TENT4A: variants seen among roughly 807,000 people sequenced by gnomAD.
TENT4A encodes the protein DNA polymerase kappa.
A neutral mutation model predicts 72.8 loss-of-function variants in TENT4A; 7 were observed. The observed-to-expected ratio is 0.10, with a 90% CI of 0.05 to 0.18. TENT4A has a LOEUF of 0.18. Among genes scored for constraint, TENT4A ranks in the 10% least tolerant of loss-of-function variants. The probability of loss-of-function intolerance (pLI) is 1.00; values close to 1 mark genes in which losing one functional copy is unlikely to be tolerated. For missense variants in TENT4A, 831 were observed against 1,017.7 expected, an observed-to-expected ratio of 0.82 and a Z score of 2.50; for synonymous variants, 456 against 434.3, an observed-to-expected ratio of 1.05 and a Z score of -0.62.
At chr5:6,723,517 A>C (rs977662906) in intron 1 of TENT4A, among the ~76,000 whole-genome samples, 3 of 152,208 alleles carry the variant, frequency 2.0e-5, no homozygotes, top group Non-Finnish European at 4.4e-5. Context: ...TGAAGCCTTG[A>C]CAGTCTGACG....
At chr5:6,731,237 A>G (rs1741194869) in intron 1 of TENT4A, among the ~76,000 whole-genome samples, 1 of 152,214 alleles carries the variant, frequency 6.6e-6, no homozygotes, top group Non-Finnish European at 1.5e-5. Context: ...GAAGAGTTGG[A>G]GGAGGAGAGG....
At chr5:6,737,459 TGTG>T (rs1446230031) in intron 1 of TENT4A, 48 bp from the exon 2 acceptor site, 13 of 1,507,844 alleles carry the variant, frequency 8.6e-6, no homozygotes, top group South Asian at 2.4e-5. Flanking sequence ...GAACAGAAAA[TGTG>T]GTGACATTTC....
intron 1 of TENT4A, among the ~76,000 whole-genome samples, chr5:6,729,830 G>A (rs1270116834): frequency 6.6e-6 from 1 of 152,090 alleles, no homozygotes; most frequent in Admixed American, 6.5e-5. Flanking sequence ...GCCTCCCCTG[G>A]GTTTGCTCCG....
rs778591243 is a variant in TENT4A at position 6,742,592 on chromosome 5, A to G, written c.1111A>G (p.Met371Val). 1.9e-6 allele frequency: 3 copies of G among 1,598,822 alleles called. No individual in the cohort carries two copies. Among genetic ancestry groups the G allele is most frequent in the Non-Finnish European group, 1.7e-6 (2 of 1,166,020 alleles). Residue 371 changes from methionine to valine, a missense_variant, in exon 5 of 13, where the codon ATG becomes GTG. Physicochemically the swap from Met to Val is conservative, Grantham distance 21 (BLOSUM62 1). This residue lies in a region of TENT4A where 197 missense variants were observed against 399.6 expected (regional missense o/e 0.49). Coordinates refer to ENST00000230859, the MANE Select transcript of TENT4A (RefSeq NM_006999.6). ...VRAAEFIKNY[M>V]KKYSLLPYLI... is the part of the protein sequence containing the mutation. ...GGCAGCGGAGTTCATCAAGAATTAC[A>G]TGAAGGTACTGTGCTTGGTGACCCA... is the stretch of plus-strand genomic sequence containing the variant.
At position 6,713,445 on chromosome 5, in the gene TENT4A, G is replaced by GTCGCCGCCGAGAGTGTCTTT. The variant is rs1561021116; in HGVS notation, c.-536_-517dup. The GTCGCCGCCGAGAGTGTCTTT allele has an allele frequency of 6.7e-6, 1 of 149,276 alleles. No homozygotes were observed. The highest frequency in any genetic ancestry group is 2.0e-4 in the East Asian group (1 of 5,000). The allele number at this position is 149,276 out of a possible 1,614,324, so 9.2% of individuals were successfully genotyped here. On this transcript the variant is annotated 5_prime_UTR_variant, in exon 1 of 13. Coordinates refer to ENST00000230859, the MANE Select transcript of TENT4A (RefSeq NM_006999.6). ...GGCGGCCCCCTCCTTCCCCCGCGCTGTCGCCGCCGAGAGTGTCTTTTCACC... is the reference window on the plus strand; with the variant it reads ...GGCGGCCCCCTCCTTCCCCCGCGCTGTCGCCGCCGAGAGTGTCTTTTCGCCGCCGAGAGTGTCTTTTCACC...
chr5:6,739,668 C>T (rs934417416), intron 3 of TENT4A, 64 bp from the exon 4 acceptor site: 54 of 1,588,162 alleles, frequency 3.4e-5, no homozygotes, highest in South Asian at 2.9e-4. Context: ...TGCTTATCCT[C>T]CCCACACGAG....
chr5:6,726,175 C>G (rs1011404517), intron 1 of TENT4A, among the ~76,000 whole-genome samples: 1 of 152,108 alleles, frequency 6.6e-6, no homozygotes, highest in Non-Finnish European at 1.5e-5. Flanking sequence ...TAAGCACTTG[C>G]CAGTGTGGAT....
At position 6,734,434 on chromosome 5, in the gene TENT4A, T is replaced by C. The variant is rs559807544; in HGVS notation, c.717-3076T>C. On this transcript the variant is annotated intron_variant, in intron 1 of 12. Coordinates refer to ENST00000230859, the MANE Select transcript of TENT4A (RefSeq NM_006999.6). The stretch of plus-strand genomic sequence containing the variant: ...CCCACGGCCGCCACCAGTCTCACAC[T>C]GCCTCGTGGGCAGTCCTGGAGTCGT... 6.6e-5 allele frequency among the ~76,000 whole-genome samples: 10 copies of C among 152,350 alleles called. No homozygotes were observed. The East Asian group carries it at 9.7e-4, about 15-fold the overall frequency.
rs1740216597 is a variant in TENT4A at position 6,713,860 on chromosome 5, G to A, written c.-124G>A. 1.1e-5 allele frequency: 2 copies of A among 183,700 alleles called. No individual in the cohort carries two copies. The highest frequency in any genetic ancestry group is 2.0e-5 in the Non-Finnish European group (2 of 101,218). 11.4% of individuals were successfully genotyped at this position (183,700 alleles called of 1,614,324 possible). On this transcript the variant is annotated 5_prime_UTR_variant, in exon 1 of 13. Transcript: ENST00000230859. ...CGGCCCGCCCGCCGCCGCCGCCGCCGCCGCCGCCACCGGCCCAGGCCCGTC... is the reference window on the plus strand; with the variant it reads ...CGGCCCGCCCGCCGCCGCCGCCGCCACCGCCGCCACCGGCCCAGGCCCGTC...
chr5:6,724,800 C>T (rs751502553), intron 1 of TENT4A, among the ~76,000 whole-genome samples: 1 of 152,188 alleles, frequency 6.6e-6, no homozygotes, highest in Admixed American at 6.5e-5. Context: ...GTGTACAGTC[C>T]TAGCCACAGT....
chr5:6,739,383 A>G (rs1269394055), intron 3 of TENT4A, among the ~76,000 whole-genome samples: 1 of 152,186 alleles, frequency 6.6e-6, no homozygotes, highest in Non-Finnish European at 1.5e-5. Flanking sequence ...GGAGTGATCC[A>G]GCGTAGGCAG....
intron 8 of TENT4A, 121 bp downstream of exon 8, chr5:6,748,711 T>C: frequency 9.5e-7 from 1 of 1,054,260 alleles, no homozygotes; most frequent in South Asian, 1.8e-5. Flanking sequence ...TTCAGTAGAA[T>C]CTAGATATGT....
At position 6,739,843 on chromosome 5, in the gene TENT4A, C is replaced by T; in HGVS notation, c.999C>T (p.Asp333=). ...VAEPCSIKVL[D]KATVPIIKLT... ...AGCCGTGTTCCATCAAAGTCCTTGA[C>T]AAGGCTACGGTGAGTGCCTGGCTTT... The change falls in exon 4 of 13, where the codon GAC becomes GAT. Residue 333 remains aspartate, a synonymous_variant. Coordinates refer to ENST00000230859, the MANE Select transcript of TENT4A (RefSeq NM_006999.6). 4 of 1,614,078 alleles carry T rather than the reference C, an allele frequency of 2.5e-6. No individual in the cohort carries two copies. Among genetic ancestry groups the T allele is most frequent in the African/African-American group, 1.3e-5 (1 of 75,058 alleles).
intron 1 of TENT4A, among the ~76,000 whole-genome samples, chr5:6,730,504 G>C (rs953053284): frequency 6.6e-6 from 1 of 152,166 alleles, no homozygotes. Context: ...CTCCTCCTCT[G>C]TCGGTAGCTG....
intron 8 of TENT4A, among the ~76,000 whole-genome samples, chr5:6,749,044 G>C (rs1227471570): frequency 6.6e-6 from 1 of 152,198 alleles, no homozygotes; most frequent in Non-Finnish European, 1.5e-5. Context: ...GAGTAACGTG[G>C]TCGTCAAGAG....
chr5:6,746,896 C>G (rs981554781), intron 7 of TENT4A, among the ~76,000 whole-genome samples: 1 of 152,170 alleles, frequency 6.6e-6, no homozygotes, highest in Non-Finnish European at 1.5e-5. Context: ...ACCCTTGACC[C>G]TTTCCTATGT....
chr5:6,716,332 C>G (rs1410440342), intron 1 of TENT4A, among the ~76,000 whole-genome samples: 1 of 152,174 alleles, frequency 6.6e-6, no homozygotes, highest in East Asian at 1.9e-4. Flanking sequence ...TGCAAGTGCC[C>G]CCTGCCTAGA....
At chr5:6,734,358 G>C (rs1288831751) in intron 1 of TENT4A, among the ~76,000 whole-genome samples, 4 of 152,238 alleles carry the variant, frequency 2.6e-5, no homozygotes, top group Non-Finnish European at 5.9e-5. Flanking sequence ...AAGGCAGGCT[G>C]GGGGCTTTTC....
At chr5:6,727,949 G>A (rs1035789733) in intron 1 of TENT4A, among the ~76,000 whole-genome samples, 7 of 152,132 alleles carry the variant, frequency 4.6e-5, no homozygotes, top group African/African-American at 1.7e-4. Context: ...TACATCTTTG[G>A]ATCCAGTGAG....
Sources: gnomAD v4.1 joint callset for allele counts (sites outside exome capture counted in the v4.1 genomes callset) on GRCh38, gnomAD v4.1.1 for gene constraint, gnomAD v4.1.1 regional missense constraint, MANE v1.5 for transcripts, NCBI Gene and HGNC (gene_info 2026-07-23, HGNC 2026-07-21) for gene names.